Variants in ROBO2 observed in about 807,000 individuals in gnomAD.
ROBO2 encodes the protein roundabout homolog 2.
ROBO2 carries 53 observed loss-of-function variants against 160.8 expected under a neutral mutation model. The ratio of observed to expected loss-of-function variants is 0.33; its 90% CI spans 0.26 to 0.41. The LOEUF is 0.41. Ranked by LOEUF, ROBO2 falls within the 10% of genes least tolerant of loss-of-function variation. The pLI is 1.00. For synonymous variants in ROBO2, 664 were observed against 611.7 expected (o/e 1.09, Z -1.26); for missense variants, 1,577 against 1,722.4 (o/e 0.92, Z 1.49).
intron 2 of ROBO2, among the ~76,000 whole-genome samples, chr3:75,954,950 C>T (rs1310910136): frequency 1.3e-5 from 2 of 151,536 alleles, no homozygotes; most frequent in African/African-American, 2.4e-5. Context: ...TTTTTTGGTT[C>T]AGGTGAGGCA....
chr3:76,883,157 C>A lies in ROBO2; in HGVS notation c.110-214857C>A, dbSNP rs531197378. Among the ~76,000 whole-genome samples, 10 of 152,112 alleles carry A rather than the reference C, an allele frequency of 6.6e-5. 1 individual carries two copies. Among genetic ancestry groups the A allele is most frequent in the South Asian group, 4.2e-4 (2 of 4,814 alleles). On this transcript the variant is annotated intron_variant, in intron 2 of 26. Transcript: ENST00000487694. Reference sequence around the variant, plus strand: ...AACTATTTTAATTACTAAAAAATACCCATATGTATTATGCACTCTATATAC... The same window carrying A: ...AACTATTTTAATTACTAAAAAATACACATATGTATTATGCACTCTATATAC...
intron 2 of ROBO2, among the ~76,000 whole-genome samples, chr3:77,221,064 G>A (rs2085722216): frequency 6.6e-6 from 1 of 152,132 alleles, no homozygotes; most frequent in African/African-American, 2.4e-5. Context: ...GGTTGCGTGA[G>A]CTAAATACTT....
At chr3:76,603,294 T>C (rs1296017383) in intron 2 of ROBO2, among the ~76,000 whole-genome samples, 1 of 131,738 alleles carries the variant, frequency 7.6e-6, no homozygotes, top group Non-Finnish European at 1.5e-5. Flanking sequence ...ATTGCGCCAC[T>C]GCACTCCAGC....
intron 2 of ROBO2, among the ~76,000 whole-genome samples, chr3:76,021,270 A>G (rs1398142757): frequency 6.6e-6 from 1 of 151,760 alleles, no homozygotes; most frequent in Non-Finnish European, 1.5e-5. Context: ...GAAGCAATAC[A>G]TTTGTCTTTT....
At chr3:77,574,642 G>A (rs1352237170) in exon 14 of ROBO2, 1 of 1,613,136 alleles carries the variant, frequency 6.2e-7, no homozygotes, top group Non-Finnish European at 8.5e-7. Context: ...TGAAAAAGGG[G>A]GTGACTTATG....
At chr3:77,022,325 A>G in intron 2 of ROBO2, among the ~76,000 whole-genome samples, 1 of 152,172 alleles carries the variant, frequency 6.6e-6, no homozygotes, top group East Asian at 1.9e-4. Flanking sequence ...AGCCGAGGTC[A>G]TGCCACTGCA....
chr3:77,522,887 A>G, exon 6 of ROBO2: 1 of 1,609,420 alleles, frequency 6.2e-7, no homozygotes, highest in Non-Finnish European at 8.5e-7. Context: ...AGCCTCTGCT[A>G]CACTCACCGT....
intron 2 of ROBO2, among the ~76,000 whole-genome samples, chr3:76,013,391 G>T (rs575409813): frequency 1.4e-5 from 2 of 142,710 alleles, no homozygotes; most frequent in South Asian, 2.3e-4. Context: ...GGCAATTGAC[G>T]ACTGGGCACG....
intron 2 of ROBO2, among the ~76,000 whole-genome samples, chr3:77,380,029 G>A (rs536346672): frequency 9.9e-5 from 15 of 152,280 alleles, no homozygotes; most frequent in African/African-American, 2.2e-4. Flanking sequence ...AGGACTTAAC[G>A]GATAGTCACT....
chr3:76,870,117 G>A (rs550548552), intron 2 of ROBO2, among the ~76,000 whole-genome samples: 24 of 152,274 alleles, frequency 1.6e-4, no homozygotes, highest in African/African-American at 5.8e-4. Context: ...TAAGCAGTAT[G>A]GATTTCTACT....
chr3:77,411,240 C>G (rs2076776122), intron 2 of ROBO2, among the ~76,000 whole-genome samples: 1 of 152,122 alleles, frequency 6.6e-6, no homozygotes, highest in South Asian at 2.1e-4. Flanking sequence ...CACAATTATC[C>G]AAGTAATTCT....
At chr3:76,713,916 A>C (rs886265364) in intron 2 of ROBO2, among the ~76,000 whole-genome samples, 1 of 152,062 alleles carries the variant, frequency 6.6e-6, no homozygotes, top group African/African-American at 2.4e-5. Context: ...GGATGAAATC[A>C]GGGTAGTTTC....
intron 9 of ROBO2, 92 bp downstream of exon 10, chr3:77,558,241 C>A: frequency 1.0e-6 from 1 of 992,552 alleles, no homozygotes; most frequent in Non-Finnish European, 1.6e-6. Context: ...ATCTTACATC[C>A]TAGTATAATT....
At chr3:76,242,277 T>C (rs1169028429) in intron 2 of ROBO2, among the ~76,000 whole-genome samples, 1 of 152,106 alleles carries the variant, frequency 6.6e-6, no homozygotes, top group East Asian at 1.9e-4. Flanking sequence ...ACTGCCCCCT[T>C]CTTCAGATAC....
intron 2 of ROBO2, among the ~76,000 whole-genome samples, chr3:76,551,775 C>CA (rs2083439071): frequency 6.6e-6 from 1 of 152,164 alleles, no homozygotes; most frequent in Non-Finnish European, 1.5e-5. Flanking sequence ...GATCCAACTG[C>CA]AGCCTTGCAT....
At chr3:77,550,313 C>T (rs890808114) in intron 7 of ROBO2, among the ~76,000 whole-genome samples, 4 of 152,030 alleles carry the variant, frequency 2.6e-5, no homozygotes, top group Admixed American at 2.6e-4. Context: ...CTGTCACACA[C>T]TTTTGAACAA....
intron 2 of ROBO2, among the ~76,000 whole-genome samples, chr3:76,728,824 A>G (rs1377655567): frequency 6.6e-6 from 1 of 152,226 alleles, no homozygotes; most frequent in Admixed American, 6.5e-5. Context: ...GCCAGAGGGC[A>G]TCTTGATAAA....
chr3:76,507,507 G>T (rs1384232527), intron 2 of ROBO2, among the ~76,000 whole-genome samples: 1 of 152,026 alleles, frequency 6.6e-6, no homozygotes, highest in Non-Finnish European at 1.5e-5. Flanking sequence ...TGCAGAAATT[G>T]TAATACTGAA....
chr3:76,381,652 T>C (rs1432545280), intron 2 of ROBO2, among the ~76,000 whole-genome samples: 1 of 152,088 alleles, frequency 6.6e-6, no homozygotes, highest in East Asian at 1.9e-4. Flanking sequence ...CCCCGCCTAT[T>C]ATTATTATGT....
Sources: gnomAD v4.1 joint callset for allele counts (sites outside exome capture counted in the v4.1 genomes callset) on GRCh38, gnomAD v4.1.1 for gene constraint, MANE v1.5 for transcripts, NCBI Gene and HGNC (gene_info 2026-07-23, HGNC 2026-07-21) for gene names.